Variants in TTC6 observed in about 807,000 individuals in gnomAD.
The protein encoded by TTC6 is tetratricopeptide repeat domain 6, also known as tetratricopeptide repeat protein 6.
Under a neutral mutation model 210.4 loss-of-function variants are expected in TTC6, and 172 were observed. The ratio of observed to expected loss-of-function variants is 0.82; its 90% confidence interval spans 0.72 to 0.93. TTC6 has a LOEUF of 0.93. Among genes scored for constraint, TTC6 ranks in the 40% least tolerant of loss-of-function variants. The pLI is 0.00. For missense variants in TTC6, 2,414 were observed against 2,318.1 expected (o/e 1.04, Z -0.85); for synonymous variants, 804 against 819.6 (o/e 0.98, Z 0.32).
chr14:37,746,687 C>A (rs906406752), intron 10 of TTC6, among the ~76,000 whole-genome samples: 1 of 152,136 alleles, frequency 6.6e-6, no homozygotes, highest in Non-Finnish European at 1.5e-5. Flanking sequence ...ACTGTAATGG[C>A]TGTGGCTCCA....
chr14:37,807,679 T>C (rs2096121610), intron 23 of TTC6, among the ~76,000 whole-genome samples: 1 of 152,192 alleles, frequency 6.6e-6, no homozygotes, highest in African/African-American at 2.4e-5. Context: ...CATTTATTAT[T>C]TATTTTTATT....
upstream of TTC6, among the ~76,000 whole-genome samples, chr14:37,595,675 T>C (rs2095602754): frequency 6.6e-6 from 1 of 152,034 alleles, no homozygotes; most frequent in African/African-American, 2.4e-5. Flanking sequence ...TTAGAGACCT[T>C]GTGGGATAAC....
chr14:37,718,223 C>A (rs1340129814), intron 6 of TTC6, among the ~76,000 whole-genome samples: 1 of 152,154 alleles, frequency 6.6e-6, no homozygotes, highest in African/African-American at 2.4e-5. Context: ...TCCACCAGGA[C>A]TTTAGGGAAT....
intron 4 of TTC6, among the ~76,000 whole-genome samples, chr14:37,697,230 C>G (rs141846838): frequency 3.9e-5 from 6 of 152,166 alleles, no homozygotes; most frequent in Non-Finnish European, 7.4e-5. Context: ...ACAAAATGTG[C>G]ATAAGCCATC....
intron 14 of TTC6, among the ~76,000 whole-genome samples, chr14:37,777,133 AT>A (rs1273709135): frequency 6.6e-6 from 1 of 152,144 alleles, no homozygotes; most frequent in East Asian, 1.9e-4. Context: ...TTGAATTTGA[AT>A]GTTGGCCTTT....
At chr14:37,812,086 T>C (rs1044334269) in intron 24 of TTC6, among the ~76,000 whole-genome samples, 1 of 152,146 alleles carries the variant, frequency 6.6e-6, no homozygotes, top group Non-Finnish European at 1.5e-5. Flanking sequence ...AGGTAAAACA[T>C]GAAATGCAAG....
At chr14:37,753,286 A>T in intron 14 of TTC6, 51 bp downstream of exon 16, 1 of 1,421,900 alleles carries the variant, frequency 7.0e-7, no homozygotes, top group East Asian at 2.5e-5. Context: ...TATTTGAAAT[A>T]CATTTTCAGA....
intron 14 of TTC6, among the ~76,000 whole-genome samples, chr14:37,781,155 T>G (rs2096053702): frequency 1.3e-5 from 2 of 152,210 alleles, no homozygotes; most frequent in African/African-American, 4.8e-5. Flanking sequence ...GTAATGGGAT[T>G]GCTGGAGCAA....
At chr14:37,661,511 T>C (rs1436714423) in intron 1 of TTC6, among the ~76,000 whole-genome samples, 2 of 152,192 alleles carry the variant, frequency 1.3e-5, no homozygotes, top group Non-Finnish European at 2.9e-5. Context: ...AGTTCTCTAT[T>C]CTGTTCCATT....
intron 1 of TTC6, among the ~76,000 whole-genome samples, chr14:37,670,799 A>G (rs978123178): frequency 6.6e-6 from 1 of 152,118 alleles, no homozygotes; most frequent in African/African-American, 2.4e-5. Flanking sequence ...ATGGGTTTGT[A>G]AAGCAATATG....
intron 2 of TTC6, among the ~76,000 whole-genome samples, chr14:37,615,508 G>A (rs2095641282): frequency 6.6e-6 from 1 of 151,882 alleles, no homozygotes; most frequent in Non-Finnish European, 1.5e-5. Flanking sequence ...TAATTTCTGT[G>A]CATTTATCTT....
At chr14:37,671,780 G>T (rs61988008) in intron 1 of TTC6, among the ~76,000 whole-genome samples, 45,678 of 151,952 alleles carry the variant, frequency 0.3, 6,909 homozygotes, top group South Asian at 0.38. Flanking sequence ...TCCCTATGTG[G>T]TGAGGAAGGG....
At chr14:37,658,639 G>A (rs2095730107) in intron 1 of TTC6, among the ~76,000 whole-genome samples, 1 of 152,056 alleles carries the variant, frequency 6.6e-6, no homozygotes, top group South Asian at 2.1e-4. Flanking sequence ...GGGTTATTTG[G>A]GTGAAAGATA....
At chr14:37,832,883 C>A (rs187274217) in intron 29 of TTC6, among the ~76,000 whole-genome samples, 426 of 151,894 alleles carry the variant, frequency 2.8e-3, no homozygotes, top group African/African-American at 1.0e-2. Context: ...TATGGTGAAA[C>A]CCTGCCTCTA....
intron 1 of TTC6, among the ~76,000 whole-genome samples, chr14:37,623,359 C>CT (rs2095655005): frequency 6.6e-6 from 1 of 152,106 alleles, no homozygotes; most frequent in South Asian, 2.1e-4. Context: ...GTGAAAAACT[C>CT]TTTTTTCTGT....
At chr14:37,711,674 G>T (rs2095844969) in intron 5 of TTC6, among the ~76,000 whole-genome samples, 1 of 152,262 alleles carries the variant, frequency 6.6e-6, no homozygotes, top group Middle Eastern at 3.4e-3. Flanking sequence ...GCCAGGGTCA[G>T]GAGCTTGGGT....
At chr14:37,743,513 CAATT>C (rs756960867) in intron 10 of TTC6, among the ~76,000 whole-genome samples, 1 of 152,068 alleles carries the variant, frequency 6.6e-6, no homozygotes, top group Non-Finnish European at 1.5e-5. Context: ...AAATAAGTCA[CAATT>C]AACATATTTT....
chr14:37,599,989 TC>T (rs1470729141), intron 1 of TTC6, among the ~76,000 whole-genome samples: 4 of 152,088 alleles, frequency 2.6e-5, no homozygotes, highest in Non-Finnish European at 4.4e-5. Flanking sequence ...CCGATCCCCC[TC>T]CTGGGGAGCG....
chr14:37,742,826 C>G (rs2095924949), intron 10 of TTC6, among the ~76,000 whole-genome samples: 1 of 152,104 alleles, frequency 6.6e-6, no homozygotes, highest in Non-Finnish European at 1.5e-5. Flanking sequence ...CATCCATATC[C>G]CAACCTTCAT....
Sources: allele counts gnomAD v4.1 joint callset (sites outside exome capture counted in the v4.1 genomes callset), GRCh38; gene constraint gnomAD v4.1.1; transcripts MANE v1.5; gene names NCBI Gene and HGNC (gene_info 2026-07-23, HGNC 2026-07-21).